The following CTNNA2 variants were observed in gnomAD, a reference collection of about 807,000 sequenced individuals.
The protein encoded by CTNNA2 is catenin alpha 2, also known as catenin alpha-2.
In CTNNA2, 42 loss-of-function variants were observed where a neutral mutation model predicts 101.0. That is an observed-to-expected ratio of 0.42 (90% CI 0.32 to 0.54). The LOEUF is 0.54. CTNNA2 is among the 20% of genes least tolerant of loss of function. The pLI, the probability that CTNNA2 is intolerant of heterozygous loss-of-function variation, is 0.14. For missense variants in CTNNA2, 871 were observed against 1,223.1 expected (o/e 0.71, Z 4.29); for synonymous variants, 450 against 456.4 (o/e 0.99, Z 0.18).
intron 4 of CTNNA2, among the ~76,000 whole-genome samples, chr2:79,375,276 T>A (rs1677954338): frequency 6.6e-6 from 1 of 152,230 alleles, no homozygotes; most frequent in Non-Finnish European, 1.5e-5. Context: ...GCGTGTTTCA[T>A]CTTGTTGACC....
intron 6 of CTNNA2, among the ~76,000 whole-genome samples, chr2:79,904,374 G>A (rs900039462): frequency 1.5e-4 from 23 of 152,250 alleles, no homozygotes; most frequent in Admixed American, 1.4e-3. Context: ...TATCTATTGG[G>A]AGGGTTAGGT....
chr2:79,826,581 C>T (rs1678455198), intron 3 of CTNNA2, among the ~76,000 whole-genome samples: 1 of 152,172 alleles, frequency 6.6e-6, no homozygotes, highest in African/African-American at 2.4e-5. Flanking sequence ...TGGGATCTAG[C>T]AAGGAATGGA....
chr2:80,533,850 G>A (rs143187071), intron 9 of CTNNA2, among the ~76,000 whole-genome samples: 1 of 152,242 alleles, frequency 6.6e-6, no homozygotes, highest in East Asian at 1.9e-4. Flanking sequence ...TACATTCCCG[G>A]CATGGTTTAA....
intron 7 of CTNNA2, among the ~76,000 whole-genome samples, chr2:79,965,533 A>T (rs929325958): frequency 2.0e-5 from 3 of 152,136 alleles, no homozygotes; most frequent in Non-Finnish European, 2.9e-5. Context: ...CATACTGTCT[A>T]TAAAAACAAG....
intron 3 of CTNNA2, among the ~76,000 whole-genome samples, chr2:79,762,222 G>C (rs1005004629): frequency 6.6e-6 from 1 of 152,072 alleles, no homozygotes; most frequent in African/African-American, 2.4e-5. Flanking sequence ...TGAATCCACT[G>C]CCCAATGTTG....
intron 1 of CTNNA2, among the ~76,000 whole-genome samples, chr2:79,624,344 T>G (rs1403191398): frequency 2.0e-5 from 3 of 151,334 alleles, no homozygotes; most frequent in Non-Finnish European, 4.4e-5. Flanking sequence ...CTTTTTTTTT[T>G]GTCTACAGTT....
At chr2:79,874,020 A>G (rs1682804509) in intron 5 of CTNNA2, 56 bp from the exon 6 acceptor site, 1 of 1,595,572 alleles carries the variant, frequency 6.3e-7, no homozygotes, top group African/African-American at 1.3e-5. Flanking sequence ...ACTGTGTTGC[A>G]AATATTTCTA....
At chr2:80,075,154 C>A (rs1046055996) in intron 7 of CTNNA2, among the ~76,000 whole-genome samples, 1 of 152,112 alleles carries the variant, frequency 6.6e-6, no homozygotes, top group African/African-American at 2.4e-5. Context: ...GGAAGGTCAT[C>A]AGATAGGTAT....
intron 2 of CTNNA2, among the ~76,000 whole-genome samples, chr2:79,242,057 C>T (rs751366633): frequency 4.6e-5 from 7 of 152,138 alleles, no homozygotes; most frequent in Non-Finnish European, 8.8e-5. Context: ...AGGCCCCCGC[C>T]ACCACTCCTG....
chr2:79,808,802 T>TA (rs1048883613), intron 3 of CTNNA2, among the ~76,000 whole-genome samples: 2 of 151,786 alleles, frequency 1.3e-5, no homozygotes, highest in African/African-American at 4.8e-5. Context: ...CTTTTTTTTT[T>TA]ATTATACTTT....
chr2:80,107,520 C>G (rs978346217), intron 7 of CTNNA2, among the ~76,000 whole-genome samples: 1 of 152,188 alleles, frequency 6.6e-6, no homozygotes, highest in African/African-American at 2.4e-5. Context: ...CTGCTCCCCT[C>G]TCTGCTGATA....
At chr2:79,818,473 C>G (rs551630807) in intron 3 of CTNNA2, among the ~76,000 whole-genome samples, 349 of 151,684 alleles carry the variant, frequency 2.3e-3, no homozygotes, top group South Asian at 5.2e-3. Context: ...CCACCATGCC[C>G]GGCTTATTTT....
chr2:79,933,197 G>C (rs1306938430), intron 7 of CTNNA2, among the ~76,000 whole-genome samples: 1 of 152,134 alleles, frequency 6.6e-6, no homozygotes, highest in Non-Finnish European at 1.5e-5. Context: ...AAATTGGGTA[G>C]ACATTTTCTC....
intron 7 of CTNNA2, among the ~76,000 whole-genome samples, chr2:80,378,247 T>A (rs1015287523): frequency 6.6e-6 from 1 of 151,850 alleles, no homozygotes; most frequent in Non-Finnish European, 1.5e-5. Flanking sequence ...TCCCAGCTAC[T>A]TGGGAGGCTG....
At chr2:79,854,983 A>G (rs1343051617) in intron 3 of CTNNA2, among the ~76,000 whole-genome samples, 1 of 152,196 alleles carries the variant, frequency 6.6e-6, no homozygotes, top group African/African-American at 2.4e-5. Context: ...AGCTGCAGGG[A>G]CTAAGACCTA....
rs533181715 is a variant in CTNNA2, at chr2:79,568,636, A to G, written c.-6+55429A>G. ...AACGAAAAGAAAAGGAAAGAAAAGA[A>G]AAGAACCTTCAGGTTTATAATTAAA... On this transcript the variant is annotated intron_variant, in intron 1 of 18. Transcript: ENST00000402739. Among the ~76,000 whole-genome samples, 3 of 152,156 alleles carry G rather than the reference A, an allele frequency of 2.0e-5. No homozygotes were observed. In the East Asian group the frequency reaches 5.8e-4, roughly 29 times the overall value.
chr2:79,677,836 G>A (rs936983564), intron 2 of CTNNA2, among the ~76,000 whole-genome samples: 1 of 152,198 alleles, frequency 6.6e-6, no homozygotes, highest in Non-Finnish European at 1.5e-5. Flanking sequence ...AATTTAAAAG[G>A]TGTGTTGGAT....
intron 7 of CTNNA2, among the ~76,000 whole-genome samples, chr2:80,262,368 T>C (rs1490455535): frequency 1.3e-5 from 2 of 152,236 alleles, no homozygotes; most frequent in African/African-American, 4.8e-5. Flanking sequence ...TTGCTAGGAA[T>C]ATGGATAGTT....
At chr2:80,524,263 G>T (rs1287465384) in intron 9 of CTNNA2, among the ~76,000 whole-genome samples, 1 of 152,098 alleles carries the variant, frequency 6.6e-6, no homozygotes, top group Non-Finnish European at 1.5e-5. Context: ...GGTTAGAAGA[G>T]GTACCTCATA....
Sources: allele counts gnomAD v4.1 joint callset (sites outside exome capture counted in the v4.1 genomes callset), GRCh38; gene constraint gnomAD v4.1.1; transcripts MANE v1.5; gene names NCBI Gene and HGNC (gene_info 2026-07-23, HGNC 2026-07-21).